The following SEZ6L variants were observed in gnomAD, a reference collection of about 807,000 sequenced individuals.
SEZ6L encodes seizure 6-like protein.
SEZ6L carries 37 observed loss-of-function variants against 106.2 expected under a neutral mutation model. The ratio of observed to expected loss-of-function variants is 0.35; its 90% CI spans 0.27 to 0.46. SEZ6L has a LOEUF of 0.46. Among genes scored for constraint, SEZ6L ranks in the 20% least tolerant of loss-of-function variants. SEZ6L has a pLI of 1.00. For synonymous variants in SEZ6L, 541 were observed against 570.4 expected, an observed-to-expected ratio of 0.95 and a Z score of 0.73; for missense variants, 1,172 against 1,332.8, an observed-to-expected ratio of 0.88 and a Z score of 1.88.
At chr22:26,174,674 A>G (rs905341232) in intron 1 of SEZ6L, among the ~76,000 whole-genome samples, 1 of 152,184 alleles carries the variant, frequency 6.6e-6, no homozygotes, top group Non-Finnish European at 1.5e-5. Flanking sequence ...TGGTTACTGT[A>G]GTTCCTTAGA....
rs760651971 is a variant in SEZ6L, at chr22:26,292,977, G to A, written c.666G>A (p.Gly222=). The change falls in exon 2 of 17, where the codon GGG becomes GGA. Residue 222 remains glycine, a synonymous_variant. Coordinates refer to ENST00000248933, the MANE Select transcript of SEZ6L (RefSeq NM_021115.5). ...AHTLPQRPEP[G]EPGPDMAQEA... ...CACTCCCCCAGAGGCCAGAACCCGG[G>A]GAGCCTGGGCCTGACATGGCCCAGG... 2.5e-6 allele frequency: 4 copies of A among 1,613,806 alleles called. No homozygotes were observed. In the South Asian group the frequency reaches 4.4e-5, roughly 18 times the overall value.
intron 1 of SEZ6L, among the ~76,000 whole-genome samples, chr22:26,243,386 G>A (rs1227979474): frequency 6.6e-6 from 1 of 152,236 alleles, no homozygotes; most frequent in Non-Finnish European, 1.5e-5. Context: ...GCCTCTGTGA[G>A]AAGACAGCAT....
At chr22:26,274,683 G>T (rs2080483290) in intron 1 of SEZ6L, among the ~76,000 whole-genome samples, 1 of 152,182 alleles carries the variant, frequency 6.6e-6, no homozygotes, top group Admixed American at 6.5e-5. Context: ...AATCAGCAAA[G>T]GGAAGAGGTA....
chr22:26,212,517 G>A (rs2078189881), intron 1 of SEZ6L, among the ~76,000 whole-genome samples: 1 of 152,174 alleles, frequency 6.6e-6, no homozygotes, highest in African/African-American at 2.4e-5. Context: ...CAACTTCCCA[G>A]GCTCAGGTGA....
chr22:26,224,125 A>G (rs2078567356), intron 1 of SEZ6L, among the ~76,000 whole-genome samples: 1 of 152,218 alleles, frequency 6.6e-6, no homozygotes, highest in African/African-American at 2.4e-5. Context: ...AAAATCCCTA[A>G]TAACACCGGC....
intron 8 of SEZ6L, among the ~76,000 whole-genome samples, chr22:26,313,088 C>T (rs1342045897): frequency 1.3e-5 from 2 of 152,222 alleles, no homozygotes; most frequent in Non-Finnish European, 2.9e-5. Flanking sequence ...ATGTTGAGAC[C>T]TTTCCAAAGT....
intron 2 of SEZ6L, 106 bp downstream of exon 2, chr22:26,293,252 C>G: frequency 1.5e-5 from 21 of 1,401,216 alleles, no homozygotes; most frequent in Non-Finnish European, 1.8e-5. Flanking sequence ...GCCCCACCAT[C>G]AGTTACCGTC....
chr22:26,257,470 T>C (rs2079860797), intron 1 of SEZ6L, among the ~76,000 whole-genome samples: 1 of 152,190 alleles, frequency 6.6e-6, no homozygotes, highest in African/African-American at 2.4e-5. Context: ...TAAATATTTA[T>C]TGAAAACTTG....
At position 26,212,432 on chromosome 22, in the gene SEZ6L, T is replaced by A. The variant is rs571805898; in HGVS notation, c.94+42669T>A. Among the ~76,000 whole-genome samples the A allele has an allele frequency of 1.5e-4, 23 of 152,198 alleles. No individual in the cohort carries two copies. The East Asian group carries it at 2.3e-3, about 15-fold the overall frequency. ...AAGACAAAGGACTTTTTTAAAAAAATTTTTTTCTGAGGCAAGGTCTCACTG... is the reference window on the plus strand; with the variant it reads ...AAGACAAAGGACTTTTTTAAAAAAAATTTTTTCTGAGGCAAGGTCTCACTG... On this transcript the variant is annotated intron_variant, in intron 1 of 16. Transcript: ENST00000248933.
intron 9 of SEZ6L, among the ~76,000 whole-genome samples, chr22:26,335,070 G>C (rs908652190): frequency 6.6e-6 from 1 of 152,116 alleles, no homozygotes; most frequent in Non-Finnish European, 1.5e-5. Context: ...TTTTCATCTC[G>C]GTTGCTTACA....
At chr22:26,322,862 A>G (rs2082194491) in intron 9 of SEZ6L, among the ~76,000 whole-genome samples, 2 of 152,110 alleles carry the variant, frequency 1.3e-5, no homozygotes, top group South Asian at 4.1e-4. Flanking sequence ...TAAAAACACA[A>G]CTGAACAGAA....
At chr22:26,374,117 G>A (rs962364427) in intron 14 of SEZ6L, among the ~76,000 whole-genome samples, 4 of 151,744 alleles carry the variant, frequency 2.6e-5, no homozygotes, top group African/African-American at 7.3e-5. Context: ...CTATGTCACC[G>A]CTATTGAATT....
chr22:26,244,149 T>C (rs955973704), intron 1 of SEZ6L, among the ~76,000 whole-genome samples: 6 of 135,854 alleles, frequency 4.4e-5, no homozygotes, highest in African/African-American at 1.6e-4. Context: ...GGTGACAAAG[T>C]GAGACCCTAT....
At chr22:26,226,551 T>C (rs1184439348) in intron 1 of SEZ6L, among the ~76,000 whole-genome samples, 3 of 152,218 alleles carry the variant, frequency 2.0e-5, no homozygotes, top group Admixed American at 1.3e-4. Flanking sequence ...TAAATACACC[T>C]TTGTGGGTTT....
In SEZ6L at chr22:26,292,873, C is replaced by A. The variant is rs1199511043; in HGVS notation, c.562C>A (p.Arg188=). 2 of 1,614,126 alleles carry A rather than the reference C, an allele frequency of 1.2e-6. No individual in the cohort carries two copies. The highest frequency in any genetic ancestry group is 1.7e-6 in the Non-Finnish European group (2 of 1,179,986). ...EASEVPLWLD[R]KESAVPTTPA... ...ATCAGAAGTGCCCCTTTGGCTGGAC[C>A]GAAAGGAGAGTGCGGTCCCTACAAC... The change falls in exon 2 of 17, where the codon CGA becomes AGA. Residue 188 remains arginine, a synonymous_variant. Transcript: ENST00000248933.
At chr22:26,262,202 T>C (rs949942059) in intron 1 of SEZ6L, among the ~76,000 whole-genome samples, 22 of 149,514 alleles carry the variant, frequency 1.5e-4, no homozygotes, top group Middle Eastern at 7.1e-3. Flanking sequence ...TATATTGATA[T>C]ATAAAAGATA....
intron 16 of SEZ6L, among the ~76,000 whole-genome samples, chr22:26,378,477 C>T (rs938909096): frequency 2.6e-5 from 4 of 152,172 alleles, no homozygotes; most frequent in Admixed American, 6.5e-5. Flanking sequence ...TTGCTTCCCT[C>T]GAACCTCTGA....
chr22:26,298,592 A>T (rs1601423549), intron 4 of SEZ6L, among the ~76,000 whole-genome samples: 2 of 152,344 alleles, frequency 1.3e-5, no homozygotes, highest in East Asian at 3.9e-4. Flanking sequence ...TGGTTCAAGC[A>T]TCTGCATTTT....
In SEZ6L at chr22:26,357,404, T is replaced by C. The variant is rs7288772; in HGVS notation, c.2599+6161T>C. Among the ~76,000 whole-genome samples the C allele has an allele frequency of 9.9e-3, 1,503 of 152,232 alleles. 31 individuals carry two copies. The highest frequency in any genetic ancestry group is 0.035 in the African/African-American group (1,451 of 41,510). ...CATTCTCATGGAGCCTGGGGCCTAT[T>C]TGGAAAGGAGGGTGGAGAGACAGGT... On this transcript the variant is annotated intron_variant, in intron 12 of 16. Transcript: ENST00000248933.
Sources: gnomAD v4.1 joint callset for allele counts (sites outside exome capture counted in the v4.1 genomes callset) on GRCh38, gnomAD v4.1.1 for gene constraint, MANE v1.5 for transcripts, NCBI Gene and HGNC (gene_info 2026-07-23, HGNC 2026-07-21) for gene names.